The following MEGF6 variants were observed in gnomAD, a reference collection of about 807,000 sequenced individuals.
The protein encoded by MEGF6 is multiple EGF like domains 6.
A neutral mutation model predicts 207.1 loss-of-function variants in MEGF6; 184 were observed. That is an observed-to-expected ratio of 0.89 (90% CI 0.79 to 1.00). The LOEUF (loss-of-function observed/expected upper bound fraction) is 1.00, where lower values mean the gene tolerates loss of function less well. MEGF6 is among the 50% of genes least tolerant of loss of function. MEGF6 has a pLI of 0.00. For synonymous variants in MEGF6, 1,038 were observed against 910.0 expected, an observed-to-expected ratio of 1.14 and a Z score of -2.53; for missense variants, 2,282 against 2,202.9, an observed-to-expected ratio of 1.04 and a Z score of -0.72.
At chr1:3,532,483 C>A (rs1319870292) in intron 4 of MEGF6, among the ~76,000 whole-genome samples, 1 of 152,212 alleles carries the variant, frequency 6.6e-6, no homozygotes, top group African/African-American at 2.4e-5. Context: ...CCAGCACTGG[C>A]GGTGAGGGTC....
chr1:3,494,880 G>T, intron 30 of MEGF6, 139 bp from the exon 31 acceptor site: 1 of 1,313,210 alleles, frequency 7.6e-7, no homozygotes, highest in Non-Finnish European at 1.0e-6. Context: ...TGCTGGGCGG[G>T]CACATGCCAG....
intron 3 of MEGF6, 95 bp downstream of exon 3, chr1:3,595,243 G>A: frequency 3.6e-6 from 3 of 825,212 alleles, no homozygotes; most frequent in Non-Finnish European, 5.9e-6. Flanking sequence ...GCTGGGGAAG[G>A]GCGATCCCCA....
intron 4 of MEGF6, among the ~76,000 whole-genome samples, chr1:3,544,722 C>T (rs555065098): frequency 7.9e-5 from 12 of 152,336 alleles, no homozygotes; most frequent in Middle Eastern, 6.8e-3. Flanking sequence ...CATGCCCCAC[C>T]AAGGCCCGGC....
At chr1:3,576,866 A>C (rs1256598196) in intron 4 of MEGF6, among the ~76,000 whole-genome samples, 3 of 127,076 alleles carry the variant, frequency 2.4e-5, no homozygotes, top group African/African-American at 6.1e-5. Flanking sequence ...AGCCCTGCAC[A>C]CTCCACCCCC....
intron 3 of MEGF6, among the ~76,000 whole-genome samples, chr1:3,584,132 G>A (rs1032596949): frequency 5.3e-5 from 8 of 152,254 alleles, no homozygotes; most frequent in Admixed American, 6.5e-5. Flanking sequence ...GGGTGCCACC[G>A]GCGCAGGACG....
At chr1:3,510,956 G>GC in intron 9 of MEGF6, 54 bp from the exon 10 acceptor site, 1 of 1,386,244 alleles carries the variant, frequency 7.2e-7, no homozygotes, top group Admixed American at 2.0e-5. Context: ...ACGTGCACAC[G>GC]CCCCCACCCA....
intron 21 of MEGF6, among the ~76,000 whole-genome samples, chr1:3,500,218 C>A (rs1640797001): frequency 6.6e-6 from 1 of 152,242 alleles, no homozygotes; most frequent in South Asian, 2.1e-4. Flanking sequence ...GCCTCGGGGG[C>A]ACACACTGAG....
chr1:3,606,125 G>T lies in MEGF6; in HGVS notation c.132-3525C>A, dbSNP rs76616683. On this transcript the variant is annotated intron_variant, in intron 1 of 36. Coordinates refer to ENST00000356575, the MANE Select transcript of MEGF6 (RefSeq NM_001409.4). ...GCACATCTTGGAGGGCAGAACTCGTGATGAACGCACCCACCCCACCAACCA... is the reference window on the plus strand; with the variant it reads ...GCACATCTTGGAGGGCAGAACTCGTTATGAACGCACCCACCCCACCAACCA... Among the ~76,000 whole-genome samples the T allele has an allele frequency of 7.6e-3, 1,164 of 152,372 alleles. 26 individuals carry two copies. In the East Asian group the frequency reaches 0.097, roughly 13 times the overall value.
intron 4 of MEGF6, chr1:3,530,942 G>A: frequency 8.3e-7 from 1 of 1,201,470 alleles, no homozygotes; most frequent in Non-Finnish European, 1.1e-6. Context: ...AGGCGCGCCT[G>A]CCGGGCACTG....
At chr1:3,617,357 A>ACCAGCT in the MEGF6 span, among the ~76,000 whole-genome samples, 3 of 151,608 alleles carry the variant, frequency 2.0e-5, no homozygotes, top group Non-Finnish European at 2.9e-5. Flanking sequence ...CTCCCCTGCC[A>ACCAGCT]CCCGTGAATG....
rs780632045 is a variant in MEGF6 at position 3,560,668 on chromosome 1, G to A, written c.481+19157C>T. The A allele has an allele frequency of 4.5e-6, 2 of 448,942 alleles. No homozygotes were observed. The highest frequency in any genetic ancestry group is 2.0e-5 in the African/African-American group (1 of 49,012). 27.8% of individuals were successfully genotyped at this position (448,942 alleles called of 1,614,324 possible). A position where few individuals can be genotyped will look rare whatever the true frequency, so the allele number is the denominator to read the frequency against. On this transcript the variant is annotated intron_variant, in intron 4 of 36. Transcript: ENST00000356575. The surrounding 1 kb of genome is among the most constrained non-coding windows in gnomAD (Gnocchi z 4.0). The stretch of plus-strand genomic sequence containing the variant: ...CCTTCCCAGGCTTGGGGGAGGCTGG[G>A]TGCCATCAACCCCTCCCCATCTGTG...
intron 5 of MEGF6, among the ~76,000 whole-genome samples, chr1:3,519,386 G>C (rs1406580364): frequency 6.6e-6 from 1 of 152,226 alleles, no homozygotes; most frequent in Non-Finnish European, 1.5e-5. Flanking sequence ...GAGGCCAGAC[G>C]GCGGGGGCCA....
At chr1:3,618,130 C>T in the MEGF6 span, among the ~76,000 whole-genome samples, 1 of 152,188 alleles carries the variant, frequency 6.6e-6, no homozygotes, top group Admixed American at 6.5e-5. The surrounding 1 kb of genome is among the most constrained non-coding windows in gnomAD (Gnocchi z 4.7). Flanking sequence ...CGGCGCCATC[C>T]CCAGCAAGGC....
At chr1:3,544,935 G>C (rs561476102) in intron 4 of MEGF6, among the ~76,000 whole-genome samples, 19 of 152,296 alleles carry the variant, frequency 1.2e-4, no homozygotes, top group East Asian at 1.2e-3. Context: ...GGATGACTCG[G>C]GTCACCGGAC....
intron 4 of MEGF6, among the ~76,000 whole-genome samples, chr1:3,529,807 T>C (rs1242497345): frequency 6.6e-6 from 1 of 152,178 alleles, no homozygotes; most frequent in East Asian, 1.9e-4. Context: ...CAGCTGCCTC[T>C]GCAGAAACCA....
chr1:3,506,927 G>A (rs1641141302), intron 14 of MEGF6, among the ~76,000 whole-genome samples: 1 of 152,262 alleles, frequency 6.6e-6, no homozygotes, highest in South Asian at 2.1e-4. Flanking sequence ...GAGGCCTGGA[G>A]AAGGGGAGGT....
intron 2 of MEGF6, among the ~76,000 whole-genome samples, chr1:3,599,680 C>T (rs188622217): frequency 7.9e-4 from 120 of 152,286 alleles, no homozygotes; most frequent in Non-Finnish European, 9.4e-4. Flanking sequence ...GCGGCAGTCT[C>T]GGCCCGGCTG....
chr1:3,526,500 C>T lies in MEGF6; in HGVS notation c.482-2254G>A, dbSNP rs968809541. On this transcript the variant is annotated intron_variant, in intron 4 of 36. Transcript: ENST00000356575. ...GCAACCTCCACCTCCCAGGTTCAAGCGGTTCTCCCTGCCTCAGCCTCCTTA... is the reference window on the plus strand; with the variant it reads ...GCAACCTCCACCTCCCAGGTTCAAGTGGTTCTCCCTGCCTCAGCCTCCTTA... 5.3e-5 allele frequency among the ~76,000 whole-genome samples: 8 copies of T among 151,132 alleles called. No individual in the cohort carries two copies. The East Asian group carries it at 5.9e-4, about 11-fold the overall frequency.
intron 2 of MEGF6, among the ~76,000 whole-genome samples, chr1:3,596,339 C>T (rs1644064974): frequency 6.6e-6 from 1 of 151,982 alleles, no homozygotes; most frequent in Non-Finnish European, 1.5e-5. Flanking sequence ...AGAGAGACCC[C>T]AGCTACCCAG....
Sources: allele counts gnomAD v4.1 joint callset (sites outside exome capture counted in the v4.1 genomes callset), GRCh38; gene constraint gnomAD v4.1.1; non-coding constraint Gnocchi (gnomAD v3.1); transcripts MANE v1.5; gene names NCBI Gene and HGNC (gene_info 2026-07-23, HGNC 2026-07-21).